SUPT3H: variants seen among roughly 807,000 people sequenced by gnomAD.
SUPT3H encodes the protein transcription initiation protein SPT3 homolog.
Under a neutral mutation model 44.3 loss-of-function variants are expected in SUPT3H, and 44 were observed. The observed-to-expected ratio is 0.99, with a 90% CI of 0.78 to 1.28. SUPT3H has a LOEUF of 1.28. Among genes scored for constraint, SUPT3H ranks in the 50% most tolerant of loss-of-function variants. SUPT3H has a pLI of 0.00. For missense variants in SUPT3H, 380 were observed against 387.1 expected, an observed-to-expected ratio of 0.98 and a Z score of 0.15; for synonymous variants, 124 against 125.6, an observed-to-expected ratio of 0.99 and a Z score of 0.09.
chr6:45,207,006 T>C (rs1289787681), intron 2 of SUPT3H, among the ~76,000 whole-genome samples: 2 of 152,142 alleles, frequency 1.3e-5, no homozygotes, highest in African/African-American at 2.4e-5. Context: ...GTATTTAATA[T>C]TGAAAACCAC....
At chr6:44,988,519 TAAAAAA>T (rs66489332) in intron 6 of SUPT3H, among the ~76,000 whole-genome samples, 41 of 100,194 alleles carry the variant, frequency 4.1e-4, no homozygotes, top group African/African-American at 1.6e-3. Flanking sequence ...AAGGCTTAAA[TAAAAAA>T]AAAAAAAAAA....
intron 6 of SUPT3H, among the ~76,000 whole-genome samples, chr6:44,971,842 G>A (rs1425463758): frequency 1.3e-5 from 2 of 151,796 alleles, no homozygotes; most frequent in East Asian, 1.9e-4. Context: ...GTGCAATCTC[G>A]GCTCACTGCA....
At chr6:45,121,487 T>C (rs1001755317) in intron 2 of SUPT3H, among the ~76,000 whole-genome samples, 1 of 150,280 alleles carries the variant, frequency 6.7e-6, no homozygotes, top group African/African-American at 2.5e-5. Flanking sequence ...TCCCCCACAT[T>C]CCAAAGATTT....
chr6:45,368,289 A>G (rs2150294973), intron 1 of SUPT3H, among the ~76,000 whole-genome samples: 1 of 152,324 alleles, frequency 6.6e-6, no homozygotes, highest in South Asian at 2.1e-4. Context: ...TCTGATTAAT[A>G]GTATTTAAAC....
At chr6:45,124,668 T>C (rs1303903945) in intron 2 of SUPT3H, among the ~76,000 whole-genome samples, 1 of 151,886 alleles carries the variant, frequency 6.6e-6, no homozygotes, top group Non-Finnish European at 1.5e-5. Flanking sequence ...AATTATACTA[T>C]TTTTAAACTG....
chr6:45,267,465 T>C (rs750993391), intron 2 of SUPT3H, among the ~76,000 whole-genome samples: 1 of 152,256 alleles, frequency 6.6e-6, no homozygotes, highest in Non-Finnish European at 1.5e-5. Context: ...GATCCCAATG[T>C]TGTCTGCCAG....
At chr6:44,990,615 A>G (rs1460953421) in intron 6 of SUPT3H, among the ~76,000 whole-genome samples, 2 of 152,100 alleles carry the variant, frequency 1.3e-5, no homozygotes, top group African/African-American at 4.8e-5. Context: ...CATGGGGGCA[A>G]GCCCATCATG....
intron 2 of SUPT3H, among the ~76,000 whole-genome samples, chr6:45,157,228 T>C (rs556281350): frequency 1.6e-4 from 25 of 152,242 alleles, no homozygotes; most frequent in African/African-American, 6.0e-4. Flanking sequence ...ACAAGCAACA[T>C]ATGATTAAGA....
intron 2 of SUPT3H, among the ~76,000 whole-genome samples, chr6:45,115,499 T>C (rs944150697): frequency 3.9e-5 from 6 of 152,184 alleles, no homozygotes; most frequent in Non-Finnish European, 7.4e-5. Flanking sequence ...AAAGAAACTC[T>C]TGATTTTAAA....
chr6:45,281,182 T>A (rs1459694069), intron 2 of SUPT3H, among the ~76,000 whole-genome samples: 3 of 152,196 alleles, frequency 2.0e-5, no homozygotes, highest in Non-Finnish European at 4.4e-5. Flanking sequence ...AGAAGACGGG[T>A]GATTTCTGCA....
chr6:45,204,289 G>C (rs1220162929), intron 2 of SUPT3H, among the ~76,000 whole-genome samples: 1 of 149,350 alleles, frequency 6.7e-6, no homozygotes, highest in African/African-American at 2.4e-5. Context: ...AGAACCACCT[G>C]TATCTCTTTT....
At chr6:44,861,086 G>GT (rs1225804392) in intron 10 of SUPT3H, among the ~76,000 whole-genome samples, 6 of 151,884 alleles carry the variant, frequency 4.0e-5, no homozygotes, top group East Asian at 1.9e-4. Context: ...GTTTTGTTTT[G>GT]TTTTTTTATT....
At chr6:45,228,886 C>T (rs1387562815) in intron 2 of SUPT3H, among the ~76,000 whole-genome samples, 1 of 152,022 alleles carries the variant, frequency 6.6e-6, no homozygotes, top group Non-Finnish European at 1.5e-5. Flanking sequence ...GCGATCCACC[C>T]GTCTTGGCCT....
At chr6:45,362,775 T>C (rs1238023952) in intron 2 of SUPT3H, among the ~76,000 whole-genome samples, 1 of 152,146 alleles carries the variant, frequency 6.6e-6, no homozygotes, top group Non-Finnish European at 1.5e-5. Context: ...CTTAGGTACA[T>C]TGGTTGGGAA....
chr6:45,029,360 T>TAC (rs1490382193), intron 3 of SUPT3H, among the ~76,000 whole-genome samples: 88 of 149,946 alleles, frequency 5.9e-4, no homozygotes, highest in Non-Finnish European at 1.1e-3. Context: ...TATATATATA[T>TAC]ACATATTCTT....
At chr6:44,923,563 T>C (rs776279553) in intron 10 of SUPT3H, among the ~76,000 whole-genome samples, 7 of 152,114 alleles carry the variant, frequency 4.6e-5, no homozygotes, top group Non-Finnish European at 1.0e-4. Context: ...CACCTCAGGA[T>C]GTATGTCCTG....
intron 3 of SUPT3H, among the ~76,000 whole-genome samples, chr6:45,073,496 G>C (rs576061030): frequency 6.6e-6 from 1 of 152,056 alleles, no homozygotes; most frequent in African/African-American, 2.4e-5. Flanking sequence ...ATTTATGTCA[G>C]TTTATGGCGA....
chr6:44,910,562 T>C (rs923114980), intron 10 of SUPT3H, among the ~76,000 whole-genome samples: 7 of 152,156 alleles, frequency 4.6e-5, no homozygotes, highest in Non-Finnish European at 8.8e-5. Flanking sequence ...CTGAATAATA[T>C]GCCTTTATCT....
intron 6 of SUPT3H, among the ~76,000 whole-genome samples, chr6:44,973,549 G>T (rs774818068): frequency 6.6e-5 from 10 of 152,222 alleles, no homozygotes; most frequent in Non-Finnish European, 1.5e-4. Flanking sequence ...TTCTTCTGAG[G>T]CCTCCAAACT....
Sources: gnomAD v4.1 joint callset for allele counts (sites outside exome capture counted in the v4.1 genomes callset) on GRCh38, gnomAD v4.1.1 for gene constraint, MANE v1.5 for transcripts, NCBI Gene and HGNC (gene_info 2026-07-23, HGNC 2026-07-21) for gene names.